EFNA2: variants seen among roughly 807,000 people sequenced by gnomAD.
The protein encoded by EFNA2 is ephrin A2.
Under a neutral mutation model 19.7 loss-of-function variants are expected in EFNA2, and 18 were observed. That is an observed-to-expected ratio of 0.91 (90% CI 0.63 to 1.35). The LOEUF (loss-of-function observed/expected upper bound fraction) is 1.35, where lower values mean the gene tolerates loss of function less well. Among genes scored for constraint, EFNA2 ranks in the 40% most tolerant of loss-of-function variants. The pLI, the probability that EFNA2 is intolerant of heterozygous loss-of-function variation, is 0.00. For synonymous variants in EFNA2, 187 were observed against 137.8 expected (o/e 1.36, Z -2.50); for missense variants, 303 against 296.0 (o/e 1.02, Z -0.17).
chr19:1,285,819 C>T (rs929463574), upstream of EFNA2, among the ~76,000 whole-genome samples: 5 of 148,366 alleles, frequency 3.4e-5, no homozygotes, highest in Non-Finnish European at 6.0e-5. The surrounding 1 kb of genome is among the most constrained non-coding windows in gnomAD (Gnocchi z 4.1). Context: ...GCGGCCGGGG[C>T]ACGGCGGGAG....
rs2081504713 is a variant in EFNA2 at position 1,294,377 on chromosome 19, C to G, written c.141-1168C>G. Among the ~76,000 whole-genome samples the G allele has an allele frequency of 6.6e-6, 1 of 152,156 alleles. No homozygotes were observed. Among genetic ancestry groups the G allele is most frequent in the Admixed American group, 6.5e-5 (1 of 15,276 alleles). On this transcript the variant is annotated intron_variant, in intron 1 of 3. Transcript: ENST00000215368. This position sits in a 1 kb window ranked among gnomAD's most constrained non-coding sequence, Gnocchi z 5.8. Reference sequence around the variant, plus strand: ...CTGATCTCTATCCTCACAGACGAGGCTGGGTCAGGGGGCTCCCTGGAGGAA... The same window carrying G: ...CTGATCTCTATCCTCACAGACGAGGGTGGGTCAGGGGGCTCCCTGGAGGAA...
At chr19:1,298,645 C>G (rs1336959757) in intron 3 of EFNA2, 29 bp downstream of exon 3, 1 of 1,611,584 alleles carries the variant, frequency 6.2e-7, no homozygotes, top group African/African-American at 1.3e-5. Context: ...GGGCAGGATC[C>G]AGGCCCCCAC....
rs777018828 is a variant in EFNA2, at chr19:1,295,596, C to A, written c.192C>A (p.Ser64Arg). The A allele has an allele frequency of 1.2e-6, 2 of 1,610,734 alleles. No homozygotes were observed. The highest frequency in any genetic ancestry group is 2.2e-5 in the South Asian group (2 of 90,822). ...DDGGGYTVEV[S>R]INDYLDIYCP... ...GCGGGGGCTACACGGTGGAGGTGAGCATCAATGACTACCTGGACATCTACT... is the reference window on the plus strand; with the variant it reads ...GCGGGGGCTACACGGTGGAGGTGAGAATCAATGACTACCTGGACATCTACT... Residue 64 changes from serine to arginine, a missense_variant, in exon 2 of 4, where the codon AGC becomes AGA. Physicochemically the swap from Ser to Arg is moderately radical, Grantham distance 110. Transcript: ENST00000215368. This position sits in a 1 kb window ranked among gnomAD's most constrained non-coding sequence, Gnocchi z 5.8.
rs755064285 is a variant in EFNA2 at position 1,295,877 on chromosome 19, G to C, written c.454+19G>C. The C allele has an allele frequency of 1.9e-6, 3 of 1,558,882 alleles. No individual in the cohort carries two copies. The highest frequency in any genetic ancestry group is 2.1e-4 in the Middle Eastern group (1 of 4,808). On this transcript the variant is annotated intron_variant, in intron 2 of 3. Transcript: ENST00000215368. The surrounding 1 kb of genome is among the most constrained non-coding windows in gnomAD (Gnocchi z 5.8). ...TACATCTGTGAGTGGGGTCGGGCCG[G>C]GGCTGCCGGGGCCCGAGTGGGCGGG...
At position 1,286,254 on chromosome 19, in the gene EFNA2, C is replaced by T. The variant is rs1397165076; in HGVS notation, c.86C>T (p.Ala29Val). ...PPPPFARAED[A>V]ARANSDRYAV... The stretch of plus-strand genomic sequence containing the variant: ...CCGCCCTTCGCGCGCGCCGAGGACG[C>T]CGCCCGCGCCAACTCGGACCGCTAC... Residue 29 changes from alanine to valine, a missense_variant, in exon 1 of 4, where the codon GCC (alanine) becomes GTC (valine). Ala to Val is a moderately conservative substitution (Grantham distance 64). Transcript: ENST00000215368. The surrounding 1 kb of genome is among the most constrained non-coding windows in gnomAD (Gnocchi z 5.6). 2.7e-6 allele frequency: 3 copies of T among 1,128,350 alleles called. No homozygotes were observed. The highest frequency in any genetic ancestry group is 3.3e-6 in the Non-Finnish European group (3 of 906,818). The allele number at this position is 1,128,350 out of a possible 1,614,324, so 69.9% of individuals were successfully genotyped here.
intron 1 of EFNA2, among the ~76,000 whole-genome samples, chr19:1,289,264 C>T (rs553743864): frequency 6.3e-4 from 96 of 152,338 alleles, no homozygotes; most frequent in Admixed American, 2.0e-3. Context: ...TGCCCTTGCA[C>T]GGGATGTCTG....
intron 1 of EFNA2, among the ~76,000 whole-genome samples, chr19:1,289,807 C>T (rs751208646): frequency 2.0e-5 from 3 of 152,114 alleles, no homozygotes; most frequent in East Asian, 1.9e-4. Flanking sequence ...CAGAGGTGAA[C>T]GGGGTGTCTC....
At position 1,296,769 on chromosome 19, in the gene EFNA2, G is replaced by A. The variant is rs554060567; in HGVS notation, c.454+911G>A. Among the ~76,000 whole-genome samples, 9 of 152,334 alleles carry A rather than the reference G, an allele frequency of 5.9e-5. No individual in the cohort carries two copies. The highest frequency in any genetic ancestry group is 2.2e-4 in the African/African-American group (9 of 41,580). ...CGCATCTCCCCGGGACCCATGCCAG[G>A]CTCGGAGACTCCCTGAGGACCGTGG... On this transcript the variant is annotated intron_variant, in intron 2 of 3. Transcript: ENST00000215368. The surrounding 1 kb of genome is among the most constrained non-coding windows in gnomAD (Gnocchi z 4.4).
Position 1,286,336 on chromosome 19 carries a change from C to A in EFNA2, c.140+28C>A. On this transcript the variant is annotated intron_variant, in intron 1 of 3. Coordinates refer to ENST00000215368, the MANE Select transcript of EFNA2 (RefSeq NM_001405.4). The surrounding 1 kb of genome is among the most constrained non-coding windows in gnomAD (Gnocchi z 5.6). ...GAGCGCGGCCGCGCGCGGGGGGCGC[C>A]CGGGGACCCCCCAACGCCCCCCAAG... 1.0e-6 allele frequency: 1 copy of A among 985,694 alleles called. No individual in the cohort carries two copies. The highest frequency in any genetic ancestry group is 4.5e-5 in the South Asian group (1 of 22,294). 61.1% of individuals were successfully genotyped at this position (985,694 alleles called of 1,614,324 possible). A position where few individuals can be genotyped will look rare whatever the true frequency, so the allele number is the denominator to read the frequency against.
chr19:1,291,176 C>CG (rs1018599256), intron 1 of EFNA2, among the ~76,000 whole-genome samples: 8 of 152,144 alleles, frequency 5.3e-5, no homozygotes, highest in African/African-American at 1.9e-4. Context: ...GGTGGGTGGC[C>CG]GACGGCAGCT....
At chr19:1,285,637 G>C (rs1301574527), upstream of EFNA2, among the ~76,000 whole-genome samples, 1 of 151,888 alleles carries the variant, frequency 6.6e-6, no homozygotes, top group Non-Finnish European at 1.5e-5. The surrounding 1 kb of genome is among the most constrained non-coding windows in gnomAD (Gnocchi z 4.1). Context: ...TGGGGGCGCG[G>C]GAGGCAGGGT....
upstream of EFNA2, among the ~76,000 whole-genome samples, chr19:1,285,448 C>T (rs375083104): frequency 4.6e-5 from 7 of 152,336 alleles, no homozygotes; most frequent in South Asian, 6.2e-4. The surrounding 1 kb of genome is among the most constrained non-coding windows in gnomAD (Gnocchi z 4.1). Flanking sequence ...GGTCGCAGCC[C>T]GAGCAGCTTT....
upstream of EFNA2, among the ~76,000 whole-genome samples, chr19:1,285,865 C>T (rs942113925): frequency 4.8e-4 from 70 of 146,548 alleles, no homozygotes; most frequent in Non-Finnish European, 6.1e-4. The surrounding 1 kb of genome is among the most constrained non-coding windows in gnomAD (Gnocchi z 4.1). Flanking sequence ...TCGGGCGGGA[C>T]AAAGGCCGGA....
upstream of EFNA2, among the ~76,000 whole-genome samples, chr19:1,284,798 T>C (rs1218382147): frequency 2.0e-5 from 3 of 152,174 alleles, no homozygotes; most frequent in Non-Finnish European, 4.4e-5. This position sits in a 1 kb window ranked among gnomAD's most constrained non-coding sequence, Gnocchi z 5.3. Context: ...TGCCCTGCAG[T>C]TCCCTCTCCT....
rs1399095677 is a variant in EFNA2, at chr19:1,295,383, C to T, written c.141-162C>T. On this transcript the variant is annotated intron_variant, in intron 1 of 3. Coordinates refer to ENST00000215368, the MANE Select transcript of EFNA2 (RefSeq NM_001405.4). This position sits in a 1 kb window ranked among gnomAD's most constrained non-coding sequence, Gnocchi z 5.8. ...TGTCCCCTGACCCTGTCCCCCCTGGCGCACCCTGACCCGTCCCCCGTGCTC... is the reference window on the plus strand; with the variant it reads ...TGTCCCCTGACCCTGTCCCCCCTGGTGCACCCTGACCCGTCCCCCGTGCTC... 6.6e-6 allele frequency among the ~76,000 whole-genome samples: 1 copy of T among 151,490 alleles called. No homozygotes were observed. The highest frequency in any genetic ancestry group is 6.6e-5 in the Admixed American group (1 of 15,256).
chr19:1,290,199 T>A (rs1444985668), intron 1 of EFNA2, among the ~76,000 whole-genome samples: 1 of 152,042 alleles, frequency 6.6e-6, no homozygotes, highest in East Asian at 1.9e-4. Context: ...CAGGGGTTAG[T>A]GTCCCCTCCC....
At position 1,301,286 on chromosome 19, in the gene EFNA2, G is replaced by T. The variant is rs1172117755; in HGVS notation, c.*1341G>T. 6.6e-6 allele frequency among the ~76,000 whole-genome samples: 1 copy of T among 150,660 alleles called. No homozygotes were observed. Among genetic ancestry groups the T allele is most frequent in the Non-Finnish European group, 1.5e-5 (1 of 67,744 alleles). On this transcript the variant is annotated 3_prime_UTR_variant, in exon 4 of 4. Coordinates refer to ENST00000215368, the MANE Select transcript of EFNA2 (RefSeq NM_001405.4). ...GGCGGCTCGAGGCACGCCCGGTGGT[G>T]GGGGGTGGGCAGAGGGCTTTTGTAG...
At chr19:1,291,781 G>C (rs969251779) in intron 1 of EFNA2, among the ~76,000 whole-genome samples, 1 of 152,146 alleles carries the variant, frequency 6.6e-6, no homozygotes, top group East Asian at 1.9e-4. Flanking sequence ...ACAATTGCCC[G>C]ATTGGAGCTA....
In EFNA2 at chr19:1,291,840, G is replaced by C. The variant is rs377699877; in HGVS notation, c.141-3705G>C. Among the ~76,000 whole-genome samples, 49 of 152,232 alleles carry C rather than the reference G, an allele frequency of 3.2e-4. 1 individual carries two copies. The highest frequency in any genetic ancestry group is 2.4e-3 in the Admixed American group (36 of 15,288). On this transcript the variant is annotated intron_variant, in intron 1 of 3. Coordinates refer to ENST00000215368, the MANE Select transcript of EFNA2 (RefSeq NM_001405.4). ...AAGCTGGTGACAGCCAGGAGGCCCG[G>C]GTGGGCAGGAGGGGAGCCCTGCTGG...
Sources: allele counts gnomAD v4.1 joint callset (sites outside exome capture counted in the v4.1 genomes callset), GRCh38; gene constraint gnomAD v4.1.1; non-coding constraint Gnocchi (gnomAD v3.1); transcripts MANE v1.5; gene names NCBI Gene and HGNC (gene_info 2026-07-23, HGNC 2026-07-21).